The following MRNIP variants were observed in gnomAD, a reference collection of about 807,000 sequenced individuals.
The protein encoded by MRNIP is MRN complex-interacting protein.
MRNIP carries 30 observed loss-of-function variants against 29.8 expected under a neutral mutation model. That is an observed-to-expected ratio of 1.01 (90% CI 0.75 to 1.36). The LOEUF is 1.36. MRNIP is among the 40% of genes most tolerant of loss of function. The probability of loss-of-function intolerance (pLI) is 0.00; values close to 1 mark genes in which losing one functional copy is unlikely to be tolerated. For synonymous variants in MRNIP, 201 were observed against 164.1 expected, an observed-to-expected ratio of 1.23 and a Z score of -1.72; for missense variants, 459 against 423.5, an observed-to-expected ratio of 1.08 and a Z score of -0.74.
chr5:179,848,633 C>A (rs1759225993), intron 2 of MRNIP, among the ~76,000 whole-genome samples: 1 of 152,162 alleles, frequency 6.6e-6, no homozygotes, highest in Admixed American at 6.5e-5. Context: ...AGGAAAGAAA[C>A]AAGTGAGCCA....
Position 179,853,426 on chromosome 5 carries a change from ACT to A in MRNIP, c.76_77del (p.Ser26CysfsTer20). ...RLFQAHQVKK[S>X]VKWTCKACGE... ...CACAAGCTTTGCATGTCCACTTGACACTCTTTTTTACCTGCAATGAAATTTCA... is the reference window on the plus strand; with the variant it reads ...CACAAGCTTTGCATGTCCACTTGACACTTTTTTACCTGCAATGAAATTTCA... On this transcript the variant is annotated frameshift_variant, in exon 2 of 7. Transcript: ENST00000292586. LOFTEE classifies it high-confidence loss of function. 1 of 1,609,738 alleles carries A rather than the reference ACT, an allele frequency of 6.2e-7. No homozygotes were observed. The highest frequency in any genetic ancestry group is 1.3e-5 in the African/African-American group (1 of 74,802).
In MRNIP at chr5:179,848,014, T is replaced by G. The variant is rs1389225233; in HGVS notation, c.179A>C (p.Asn60Thr). Reference protein sequence around the residue: ...ADCRRHVQKLNLLQGQVSELP... With the variant: ...ADCRRHVQKLTLLQGQVSELP... ...CTCTGAAACTTGTCCCTGTAGTAGATTTAACTTTTGGACATGGCGTCTACA... is the reference window on the plus strand; with the variant it reads ...CTCTGAAACTTGTCCCTGTAGTAGAGTTAACTTTTGGACATGGCGTCTACA... The change falls in exon 3 of 7, where the codon AAT (asparagine) becomes ACT (threonine). Residue 60 changes from asparagine (N) to threonine (T), a missense_variant. By Grantham distance (65) the Asn-to-Thr change is moderately conservative. Coordinates refer to ENST00000292586, the MANE Select transcript of MRNIP (RefSeq NM_016175.4). The G allele has an allele frequency of 6.2e-7, 1 of 1,613,896 alleles. No individual in the cohort carries two copies. Among genetic ancestry groups the G allele is most frequent in the South Asian group, 1.1e-5 (1 of 91,044 alleles).
At chr5:179,841,883 C>G (rs201272763) in intron 5 of MRNIP, 24 bp downstream of exon 5, 4 of 1,610,872 alleles carry the variant, frequency 2.5e-6, no homozygotes, top group African/African-American at 1.3e-5. Context: ...TGGGCCAGGG[C>G]TGGAACGGAG....
intron 4 of MRNIP, 95 bp from the exon 5 acceptor site, chr5:179,842,159 G>T: frequency 8.0e-7 from 1 of 1,244,502 alleles, no homozygotes; most frequent in Non-Finnish European, 1.1e-6. Flanking sequence ...AGGATCTCAG[G>T]AGTCATGTCC....
At chr5:179,851,321 C>CA (rs1759357312) in intron 2 of MRNIP, 1 of 455,996 alleles carries the variant, frequency 2.2e-6, no homozygotes, top group African/African-American at 2.0e-5. Flanking sequence ...CAGCCTGGGC[C>CA]AACCAGGTTG....
chr5:179,843,489 C>T (rs193716), intron 4 of MRNIP, among the ~76,000 whole-genome samples: 2,821 of 152,240 alleles, frequency 0.019, 29 homozygotes, highest in Middle Eastern at 0.044. Context: ...CCTGTAATCC[C>T]AGTACTTTGG....
At chr5:179,855,323 T>C (rs1759530159) in intron 1 of MRNIP, among the ~76,000 whole-genome samples, 1 of 152,008 alleles carries the variant, frequency 6.6e-6, no homozygotes, top group Non-Finnish European at 1.5e-5. Flanking sequence ...TTTGTGGTTT[T>C]AGCAGAGACA....
chr5:179,855,233 C>T (rs188864865), intron 1 of MRNIP, among the ~76,000 whole-genome samples: 1 of 150,464 alleles, frequency 6.6e-6, no homozygotes, highest in Admixed American at 6.6e-5. Context: ...CAACCTCCAC[C>T]TCCCAGGTTC....
chr5:179,856,411 C>T (rs554909113), intron 1 of MRNIP, among the ~76,000 whole-genome samples: 12 of 152,248 alleles, frequency 7.9e-5, no homozygotes, highest in South Asian at 2.1e-4. Flanking sequence ...TAGTACACAG[C>T]CGACTTGCAA....
chr5:179,844,580 G>A lies in MRNIP; in HGVS notation c.216-353C>T, dbSNP rs570915864. Reference sequence around the variant, plus strand: ...TGGGACCACAGGCACGCACCACTACGCCTGCCCTTTTTTTTTCTTCTTTTT... The same window carrying A: ...TGGGACCACAGGCACGCACCACTACACCTGCCCTTTTTTTTTCTTCTTTTT... On this transcript the variant is annotated intron_variant, in intron 3 of 6. Coordinates refer to ENST00000292586, the MANE Select transcript of MRNIP (RefSeq NM_016175.4). Among the ~76,000 whole-genome samples the A allele has an allele frequency of 3.3e-5, 5 of 152,024 alleles. No individual in the cohort carries two copies. In the South Asian group the frequency reaches 8.3e-4, roughly 25 times the overall value.
intron 1 of MRNIP, among the ~76,000 whole-genome samples, chr5:179,858,196 A>T (rs1244604287): frequency 3.6e-5 from 2 of 55,530 alleles, no homozygotes; most frequent in South Asian, 1.2e-3. Context: ...TGGCACGCTG[A>T]AAGTTAGGGA....
intron 1 of MRNIP, among the ~76,000 whole-genome samples, chr5:179,856,522 T>G (rs1165561100): frequency 6.6e-6 from 1 of 152,060 alleles, no homozygotes; most frequent in Non-Finnish European, 1.5e-5. Context: ...CAGGCTGGAG[T>G]GCAGTGGTGT....
intron 2 of MRNIP, chr5:179,851,421 C>T: frequency 2.2e-6 from 1 of 455,952 alleles, no homozygotes; most frequent in Non-Finnish European, 4.4e-6. Context: ...TCTGACTGAA[C>T]AGTCTGGGGA....
At chr5:179,844,582 C>T (rs1456311328) in intron 3 of MRNIP, among the ~76,000 whole-genome samples, 2 of 152,084 alleles carry the variant, frequency 1.3e-5, no homozygotes, top group African/African-American at 4.8e-5. Flanking sequence ...ACCACTACGC[C>T]TGCCCTTTTT....
chr5:179,851,858 G>A (rs1759383838), intron 2 of MRNIP, among the ~76,000 whole-genome samples: 2 of 151,826 alleles, frequency 1.3e-5, no homozygotes, highest in Admixed American at 6.6e-5. Context: ...GGAGCCTGTG[G>A]TCCCAGCTAC....
rs1453405099 is a variant in MRNIP at position 179,837,764 on chromosome 5, T to C, written c.659A>G (p.Gln220Arg). 2 of 1,614,276 alleles carry C rather than the reference T, an allele frequency of 1.2e-6. No homozygotes were observed. Among genetic ancestry groups the C allele is most frequent in the Non-Finnish European group, 1.7e-6 (2 of 1,180,052 alleles). Residue 220 changes from glutamine to arginine, a missense_variant, in exon 7 of 7, where the codon CAG (glutamine) becomes CGG (arginine). By Grantham distance (43) the Gln-to-Arg change is conservative. Coordinates refer to ENST00000292586, the MANE Select transcript of MRNIP (RefSeq NM_016175.4). ...GPGKELWSPI[Q>R]QVTATSSKWA... ...TTTAGAGGATGTGGCTGTAACCTGC[T>C]GGATGGGACTCCATAGCTCCTTCCC... is the stretch of plus-strand genomic sequence containing the variant.
chr5:179,841,854 C>A, intron 5 of MRNIP, 53 bp downstream of exon 5: 1 of 1,582,884 alleles, frequency 6.3e-7, no homozygotes. Context: ...TGCCCCACTG[C>A]TGGAGGCAGC....
At chr5:179,857,163 T>G (rs1001017776) in intron 1 of MRNIP, among the ~76,000 whole-genome samples, 1 of 151,298 alleles carries the variant, frequency 6.6e-6, no homozygotes, top group Non-Finnish European at 1.5e-5. Context: ...AACAAGGAAA[T>G]AGAGGCCGGG....
chr5:179,850,793 G>A (rs72813739), intron 2 of MRNIP, among the ~76,000 whole-genome samples: 6,924 of 152,264 alleles, frequency 0.045, 296 homozygotes, highest in African/African-American at 0.11. Flanking sequence ...TCCAGTGTGC[G>A]TGTGGTCAGG....
Sources: allele counts gnomAD v4.1 joint callset (sites outside exome capture counted in the v4.1 genomes callset), GRCh38; gene constraint gnomAD v4.1.1; transcripts MANE v1.5; gene names NCBI Gene and HGNC (gene_info 2026-07-23, HGNC 2026-07-21).